The following ZNF487 variants were observed in gnomAD, a reference collection of about 807,000 sequenced individuals.
The protein encoded by ZNF487 is zinc finger protein 487.
In ZNF487, 4 loss-of-function variants were observed where a neutral mutation model predicts 3.0. That is an observed-to-expected ratio of 1.35 (90% confidence interval 0.66 to 3.08). The LOEUF (loss-of-function observed/expected upper bound fraction) is 3.08. ZNF487 is among the 30% of genes most tolerant of loss of function. The pLI is 0.01. For synonymous variants in ZNF487, 55 were observed against 34.6 expected (o/e 1.59, Z -2.06); for missense variants, 146 against 98.7 (o/e 1.48, Z -2.03).
rs1244412582 is a variant in ZNF487 at position 43,465,002 on chromosome 10, C to A, written c.-93-10719C>A. 3.6e-5 allele frequency among the ~76,000 whole-genome samples: 5 copies of A among 137,880 alleles called. No individual in the cohort carries two copies. In the East Asian group the frequency reaches 1.0e-3, roughly 29 times the overall value. 90.5% of individuals were successfully genotyped at this position (137,880 alleles called of 152,430 possible). On this transcript the variant is annotated intron_variant, in intron 1 of 3. Transcript: ENST00000437590. The stretch of plus-strand genomic sequence containing the variant: ...GGGCGGCTGGCTGGGCGGGGGCTGA[C>A]CCCCCCACCTCCCTCCCGGACGGGG...
the ZNF487 span, among the ~76,000 whole-genome samples, chr10:43,492,144 G>GCCA: frequency 6.6e-6 from 1 of 151,834 alleles, no homozygotes; most frequent in Non-Finnish European, 1.5e-5. Context: ...ATGGGGTTTT[G>GCCA]CCACATTGCC....
In ZNF487 at chr10:43,483,115, G is replaced by T; in HGVS notation, c.*1193G>T. On this transcript the variant is annotated 3_prime_UTR_variant, in exon 4 of 4. Transcript: ENST00000437590. ...CAGAAACCTTCACCTTCTTGGACTC[G>T]TTCCATAGCAGAAACAACCCAGGTT... 2.2e-6 allele frequency: 1 copy of T among 456,448 alleles called. No individual in the cohort carries two copies. Among genetic ancestry groups the T allele is most frequent in the Non-Finnish European group, 4.4e-6 (1 of 226,934 alleles). 28.3% of individuals were successfully genotyped at this position (456,448 alleles called of 1,614,324 possible).
chr10:43,473,981 G>A (rs1840998526), intron 1 of ZNF487, among the ~76,000 whole-genome samples: 1 of 151,970 alleles, frequency 6.6e-6, no homozygotes, highest in South Asian at 2.1e-4. Context: ...GCAACATGGT[G>A]AAACCTTGTC....
the ZNF487 span, among the ~76,000 whole-genome samples, chr10:43,514,737 C>G: frequency 6.6e-6 from 1 of 152,192 alleles, no homozygotes; most frequent in African/African-American, 2.4e-5. Flanking sequence ...AGTTGAGTGT[C>G]TGCAGTTCCC....
At chr10:43,504,863 C>T in the ZNF487 span, among the ~76,000 whole-genome samples, 44 of 151,520 alleles carry the variant, frequency 2.9e-4, no homozygotes, top group East Asian at 3.1e-3. Context: ...CCTGCCACCA[C>T]GCCTGGCTAA....
rs978490116 is a variant in ZNF487, at chr10:43,439,705, AAAAT to A, written c.-94+2454_-94+2457del. ...GGTGACAGAGTGAGACTCCATCTCA[AAAAT>A]AAATAAATAAGTGAAAATAAAAAAG... On this transcript the variant is annotated intron_variant, in intron 1 of 3. Coordinates refer to ENST00000437590, the MANE Select transcript of ZNF487 (RefSeq NM_001355444.3). Among the ~76,000 whole-genome samples the A allele has an allele frequency of 1.1e-4, 17 of 152,266 alleles. No individual in the cohort carries two copies. The Middle Eastern group carries it at 0.01, about 91-fold the overall frequency.
chr10:43,437,023 G>C (rs1480951615), upstream of ZNF487: 9 of 367,276 alleles, frequency 2.5e-5, no homozygotes, highest in South Asian at 1.3e-4. Context: ...AGGCACGCGG[G>C]AGCAGCAAGG....
At chr10:43,514,255 C>T in the ZNF487 span, among the ~76,000 whole-genome samples, 2 of 152,166 alleles carry the variant, frequency 1.3e-5, no homozygotes, top group Non-Finnish European at 2.9e-5. Flanking sequence ...ATTCTCCAGC[C>T]TCAGCCTCCT....
chr10:43,516,910 C>G, the ZNF487 span, among the ~76,000 whole-genome samples: 2 of 152,166 alleles, frequency 1.3e-5, no homozygotes, highest in African/African-American at 4.8e-5. Context: ...GAGCCTATTT[C>G]AACAGCCTCT....
At chr10:43,510,612 A>G in the ZNF487 span, among the ~76,000 whole-genome samples, 15 of 152,114 alleles carry the variant, frequency 9.9e-5, no homozygotes, top group Admixed American at 2.0e-4. Flanking sequence ...CAATGGCATG[A>G]TCTTGGTTCA....
chr10:43,494,473 C>T, the ZNF487 span, among the ~76,000 whole-genome samples: 1 of 152,230 alleles, frequency 6.6e-6, no homozygotes, highest in South Asian at 2.1e-4. Flanking sequence ...GCCCTCTGGT[C>T]TTTGCCTTGC....
chr10:43,475,406 T>G (rs1024941263), intron 1 of ZNF487, among the ~76,000 whole-genome samples: 1 of 151,908 alleles, frequency 6.6e-6, no homozygotes, highest in Non-Finnish European at 1.5e-5. Context: ...TCCCAGCTAC[T>G]TGGGAGGCTG....
chr10:43,495,391 A>G, the ZNF487 span, among the ~76,000 whole-genome samples: 2 of 151,896 alleles, frequency 1.3e-5, no homozygotes, highest in Non-Finnish European at 1.5e-5. Flanking sequence ...TTACAGGTGT[A>G]TGCCGCCACA....
intron 1 of ZNF487, among the ~76,000 whole-genome samples, chr10:43,464,868 C>A (rs1450753158): frequency 6.6e-6 from 1 of 152,294 alleles, no homozygotes; most frequent in East Asian, 1.9e-4. Context: ...ATGGCCCGTT[C>A]TTAATGAGCT....
downstream of ZNF487, among the ~76,000 whole-genome samples, chr10:43,487,226 G>A (rs1287474300): frequency 1.4e-5 from 2 of 145,654 alleles, no homozygotes; most frequent in African/African-American, 5.1e-5. Context: ...TGCAACCTCC[G>A]CCTTCCAGGA....
rs1324900232 is a variant in ZNF487, at chr10:43,481,524, A to G, written c.226A>G (p.Met76Val). The change falls in exon 4 of 4, where the codon ATG becomes GTG. Residue 76 changes from methionine to valine, a missense_variant. Met to Val is a conservative substitution (Grantham distance 21). Transcript: ENST00000437590. The part of the protein sequence containing the change: ...VDFVNNKTLT[M>V]DRNGVLGKTF... The stretch of plus-strand genomic sequence containing the variant: ...TTTTGTCAACAATAAAACACTGACT[A>G]TGGACAGAAATGGTGTATTAGGAAA... The G allele has an allele frequency of 7.0e-6, 5 of 715,206 alleles. No individual in the cohort carries two copies. In the South Asian group the frequency reaches 7.5e-5, roughly 11 times the overall value. The allele number at this position is 715,206 out of a possible 1,614,324, so 44.3% of individuals were successfully genotyped here.
the ZNF487 span, among the ~76,000 whole-genome samples, chr10:43,518,564 T>C: frequency 2.0e-5 from 3 of 152,240 alleles, no homozygotes; most frequent in African/African-American, 7.2e-5. Context: ...TTGCCCCTTA[T>C]CTATCAAGAT....
At chr10:43,462,457 A>ATTT (rs36007890) in intron 1 of ZNF487, among the ~76,000 whole-genome samples, 31 of 129,166 alleles carry the variant, frequency 2.4e-4, no homozygotes, top group Non-Finnish European at 3.6e-4. Flanking sequence ...TGTAGACAAC[A>ATTT]TTTTTTTTTT....
At chr10:43,521,329 G>A in the ZNF487 span, among the ~76,000 whole-genome samples, 1 of 152,118 alleles carries the variant, frequency 6.6e-6, no homozygotes, top group African/African-American at 2.4e-5. Context: ...TACATCTCAT[G>A]AATAAAGCTA....
Sources: gnomAD v4.1 joint callset for allele counts (sites outside exome capture counted in the v4.1 genomes callset) on GRCh38, gnomAD v4.1.1 for gene constraint, MANE v1.5 for transcripts, NCBI Gene and HGNC (gene_info 2026-07-23, HGNC 2026-07-21) for gene names.